RNF150: variants seen among roughly 807,000 people sequenced by gnomAD.
The protein encoded by RNF150 is ring finger protein 150.
RNF150 carries 24 observed loss-of-function variants against 39.3 expected under a neutral mutation model. The ratio of observed to expected loss-of-function variants is 0.61; its 90% CI spans 0.44 to 0.86. RNF150 has a LOEUF of 0.86. RNF150 is among the 40% of genes least tolerant of loss of function. The pLI, the probability that RNF150 is intolerant of heterozygous loss-of-function variation, is 0.00. For missense variants in RNF150, 502 were observed against 587.8 expected (o/e 0.85, Z 1.51); for synonymous variants, 255 against 227.3 (o/e 1.12, Z -1.10).
intron 1 of RNF150, among the ~76,000 whole-genome samples, chr4:141,070,007 C>A (rs1420988078): frequency 6.6e-6 from 1 of 152,074 alleles, no homozygotes; most frequent in Admixed American, 6.6e-5. Context: ...TTCAAAAAAA[C>A]CAGCTCCTGG....
At chr4:141,060,381 C>T (rs1185481201) in intron 1 of RNF150, among the ~76,000 whole-genome samples, 1 of 152,148 alleles carries the variant, frequency 6.6e-6, no homozygotes, top group African/African-American at 2.4e-5. Context: ...GTTGAGGTTG[C>T]ACTGAGCCAT....
At chr4:140,998,396 G>C (rs1734462243) in intron 1 of RNF150, among the ~76,000 whole-genome samples, 2 of 152,206 alleles carry the variant, frequency 1.3e-5, no homozygotes, top group African/African-American at 4.8e-5. Flanking sequence ...AAGGCCACAT[G>C]AGGCCACAGT....
chr4:141,018,180 T>C (rs1341316900), intron 1 of RNF150, among the ~76,000 whole-genome samples: 1 of 152,218 alleles, frequency 6.6e-6, no homozygotes, highest in African/African-American at 2.4e-5. Context: ...TCAAGTTCTT[T>C]AAACATCTCT....
intron 1 of RNF150, among the ~76,000 whole-genome samples, chr4:140,970,416 A>G (rs1480729226): frequency 1.3e-5 from 2 of 152,012 alleles, no homozygotes; most frequent in East Asian, 1.9e-4. Flanking sequence ...TTTTAGTTGT[A>G]TAGCTTTTAA....
At chr4:141,086,300 A>C (rs949155892) in intron 1 of RNF150, among the ~76,000 whole-genome samples, 2 of 152,262 alleles carry the variant, frequency 1.3e-5, no homozygotes, top group African/African-American at 4.8e-5. Context: ...AGATTTCTAA[A>C]AGTTTCATAG....
At chr4:140,982,326 T>A (rs947749620) in intron 1 of RNF150, among the ~76,000 whole-genome samples, 1 of 152,152 alleles carries the variant, frequency 6.6e-6, no homozygotes. Context: ...CATGCGCAAA[T>A]GTATCTGTAG....
intron 6 of RNF150, among the ~76,000 whole-genome samples, chr4:140,904,632 A>C (rs1161097598): frequency 6.6e-6 from 1 of 152,230 alleles, no homozygotes; most frequent in Non-Finnish European, 1.5e-5. Context: ...GTCACATAAA[A>C]CCTGGACATT....
At chr4:140,980,645 A>T (rs982068095) in intron 1 of RNF150, among the ~76,000 whole-genome samples, 4 of 151,950 alleles carry the variant, frequency 2.6e-5, no homozygotes, top group Admixed American at 2.6e-4. Flanking sequence ...TTCTTATGAG[A>T]TCTGATGCTT....
At chr4:141,159,331 T>G (rs1213841586) in intron 1 of RNF150, among the ~76,000 whole-genome samples, 1 of 152,200 alleles carries the variant, frequency 6.6e-6, no homozygotes, top group Non-Finnish European at 1.5e-5. Context: ...TTGTAGACAC[T>G]GAAATTTGAC....
chr4:141,130,172 G>A (rs1726854665), intron 1 of RNF150, among the ~76,000 whole-genome samples: 1 of 152,168 alleles, frequency 6.6e-6, no homozygotes, highest in Non-Finnish European at 1.5e-5. Context: ...ACAAGAGCTG[G>A]CAGTGTTTGA....
chr4:141,071,505 C>T (rs1241342961), intron 1 of RNF150, among the ~76,000 whole-genome samples: 1 of 151,476 alleles, frequency 6.6e-6, no homozygotes, highest in East Asian at 1.9e-4. Flanking sequence ...TAAAAACAAG[C>T]AGGGAGGGAT....
At chr4:141,169,855 A>G (rs1225926354) in intron 1 of RNF150, among the ~76,000 whole-genome samples, 5 of 151,702 alleles carry the variant, frequency 3.3e-5, no homozygotes, top group African/African-American at 4.8e-5. Context: ...CATTTAACAC[A>G]TTTTTTTCTA....
At chr4:141,005,699 G>A (rs1578622982) in intron 1 of RNF150, among the ~76,000 whole-genome samples, 1 of 152,156 alleles carries the variant, frequency 6.6e-6, no homozygotes, top group Non-Finnish European at 1.5e-5. Context: ...TTGATTTTTG[G>A]AATACAGCCC....
At chr4:140,935,989 A>G (rs985498776) in intron 4 of RNF150, among the ~76,000 whole-genome samples, 1 of 152,214 alleles carries the variant, frequency 6.6e-6, no homozygotes, top group South Asian at 2.1e-4. Flanking sequence ...ATCTGTCACC[A>G]TATATTAGTT....
At chr4:141,171,360 T>A (rs1394234237) in intron 1 of RNF150, among the ~76,000 whole-genome samples, 1 of 151,956 alleles carries the variant, frequency 6.6e-6, no homozygotes, top group Non-Finnish European at 1.5e-5. Flanking sequence ...TCGGACCCAA[T>A]AGGGGATTCT....
chr4:141,028,117 G>A (rs1179757075), intron 1 of RNF150, among the ~76,000 whole-genome samples: 1 of 151,876 alleles, frequency 6.6e-6, no homozygotes, highest in Non-Finnish European at 1.5e-5. Context: ...GTTGGGACAA[G>A]CTGGAACTAA....
At chr4:141,046,255 C>A (rs966777088) in intron 1 of RNF150, among the ~76,000 whole-genome samples, 2 of 152,184 alleles carry the variant, frequency 1.3e-5, no homozygotes, top group Non-Finnish European at 2.9e-5. Context: ...GGGGAATACA[C>A]TTCTACAAAG....
intron 4 of RNF150, among the ~76,000 whole-genome samples, chr4:140,937,420 C>T (rs1731902919): frequency 1.3e-5 from 2 of 152,020 alleles, no homozygotes; most frequent in Admixed American, 1.3e-4. Context: ...GGCACAACGC[C>T]CATCTAATTT....
At chr4:141,122,489 G>C (rs113460290) in intron 1 of RNF150, among the ~76,000 whole-genome samples, 35 of 152,286 alleles carry the variant, frequency 2.3e-4, no homozygotes, top group African/African-American at 8.2e-4. Context: ...TCATCATACG[G>C]GCTATTATAA....
Sources: allele counts gnomAD v4.1 joint callset (sites outside exome capture counted in the v4.1 genomes callset), GRCh38; gene constraint gnomAD v4.1.1; transcripts MANE v1.5; gene names NCBI Gene and HGNC (gene_info 2026-07-23, HGNC 2026-07-21).